The following RPH3A variants were observed in gnomAD, a reference collection of about 807,000 sequenced individuals.
RPH3A encodes rabphilin 3A, also known as rabphilin-3A.
RPH3A carries 48 observed loss-of-function variants against 102.2 expected under a neutral mutation model. The ratio of observed to expected loss-of-function variants is 0.47; its 90% CI spans 0.37 to 0.60. The LOEUF (loss-of-function observed/expected upper bound fraction) is 0.60, where lower values mean the gene tolerates loss of function less well. Among genes scored for constraint, RPH3A ranks in the 20% least tolerant of loss-of-function variants. The pLI, the probability that RPH3A is intolerant of heterozygous loss-of-function variation, is 0.00. For synonymous variants in RPH3A, 310 were observed against 324.3 expected, an observed-to-expected ratio of 0.96 and a Z score of 0.47; for missense variants, 781 against 910.1, an observed-to-expected ratio of 0.86 and a Z score of 1.83.
At chr12:112,591,324 G>A (rs1176110528) in intron 1 of RPH3A, among the ~76,000 whole-genome samples, 2 of 152,120 alleles carry the variant, frequency 1.3e-5, no homozygotes, top group African/African-American at 2.4e-5. Context: ...GGCCTCAAGC[G>A]ATCCTCCCAC....
At chr12:112,702,766 A>G (rs2040403899) in intron 1 of RPH3A, among the ~76,000 whole-genome samples, 1 of 152,252 alleles carries the variant, frequency 6.6e-6, no homozygotes, top group Non-Finnish European at 1.5e-5. Flanking sequence ...GACACATGCC[A>G]TTAGTGGAGA....
chr12:112,694,318 A>G (rs894810608), intron 1 of RPH3A, among the ~76,000 whole-genome samples: 1 of 152,126 alleles, frequency 6.6e-6, no homozygotes, highest in African/African-American at 2.4e-5. Flanking sequence ...CTCTTAGCTG[A>G]GGTTTTATGC....
intron 1 of RPH3A, among the ~76,000 whole-genome samples, chr12:112,619,646 A>T (rs2039707695): frequency 6.6e-6 from 1 of 152,112 alleles, no homozygotes; most frequent in Non-Finnish European, 1.5e-5. Context: ...GCACCATTTG[A>T]TGTTTCCACC....
At chr12:112,863,557 T>C (rs536927281) in intron 5 of RPH3A, among the ~76,000 whole-genome samples, 1 of 152,228 alleles carries the variant, frequency 6.6e-6, no homozygotes, top group Non-Finnish European at 1.5e-5. Flanking sequence ...TGGCCTCAGG[T>C]AATCCAACAA....
At chr12:112,817,747 G>A (rs773674288) in intron 2 of RPH3A, among the ~76,000 whole-genome samples, 2 of 152,098 alleles carry the variant, frequency 1.3e-5, no homozygotes, top group East Asian at 1.9e-4. Context: ...TCGTTGTAAG[G>A]TCTCAGCGGG....
chr12:112,657,225 C>A (rs1336629606), intron 1 of RPH3A, among the ~76,000 whole-genome samples: 1 of 151,866 alleles, frequency 6.6e-6, no homozygotes, highest in Non-Finnish European at 1.5e-5. Context: ...TGTTTGTTGG[C>A]CACTTGTATG....
chr12:112,885,607 T>C (rs1467124646), intron 16 of RPH3A, among the ~76,000 whole-genome samples: 6 of 152,216 alleles, frequency 3.9e-5, no homozygotes, highest in Admixed American at 3.9e-4. Context: ...TTTTTGAGGG[T>C]ACATAGTAGG....
intron 1 of RPH3A, among the ~76,000 whole-genome samples, chr12:112,738,516 A>G (rs1415436034): frequency 1.3e-5 from 2 of 152,118 alleles, no homozygotes; most frequent in Non-Finnish European, 2.9e-5. Flanking sequence ...TAACCCACTA[A>G]GGGAGTAAGC....
At chr12:112,602,969 G>A (rs569841365) in intron 1 of RPH3A, among the ~76,000 whole-genome samples, 1 of 152,284 alleles carries the variant, frequency 6.6e-6, no homozygotes, top group African/African-American at 2.4e-5. Context: ...AAGACCCAAA[G>A]AAACAGGGAA....
intron 1 of RPH3A, among the ~76,000 whole-genome samples, chr12:112,590,127 T>C (rs2039467335): frequency 6.6e-6 from 1 of 151,376 alleles, no homozygotes; most frequent in Non-Finnish European, 1.5e-5. Flanking sequence ...AGGGCCAGGC[T>C]CTGGACTGCT....
intron 1 of RPH3A, among the ~76,000 whole-genome samples, chr12:112,742,806 T>G (rs1250783653): frequency 1.3e-5 from 2 of 152,202 alleles, no homozygotes; most frequent in Non-Finnish European, 2.9e-5. Context: ...CTTGAACTAA[T>G]ACATATGCAT....
At chr12:112,728,188 G>C (rs1180001429) in intron 1 of RPH3A, among the ~76,000 whole-genome samples, 1 of 152,124 alleles carries the variant, frequency 6.6e-6, no homozygotes, top group Non-Finnish European at 1.5e-5. Context: ...GGGAACAAAA[G>C]GTGGGAAAGT....
At chr12:112,791,621 C>A (rs2041101798), upstream of RPH3A, 1 of 152,090 alleles carries the variant, frequency 6.6e-6, no homozygotes, top group African/African-American at 2.4e-5. Flanking sequence ...GTGCGCCCAA[C>A]CTCCCCTCCC....
intron 1 of RPH3A, among the ~76,000 whole-genome samples, chr12:112,658,255 C>G (rs189784698): frequency 3.3e-5 from 5 of 152,150 alleles, no homozygotes; most frequent in Admixed American, 3.3e-4. Flanking sequence ...GGGACCACTG[C>G]AACCTCCACC....
chr12:112,613,605 AC>A (rs1012755333), intron 1 of RPH3A, among the ~76,000 whole-genome samples: 4 of 152,148 alleles, frequency 2.6e-5, no homozygotes, highest in African/African-American at 9.7e-5. Flanking sequence ...GGGAAGCAGA[AC>A]CTGGGCAACA....
intron 1 of RPH3A, among the ~76,000 whole-genome samples, chr12:112,657,643 G>A (rs2040022274): frequency 6.6e-6 from 1 of 152,102 alleles, no homozygotes; most frequent in Non-Finnish European, 1.5e-5. Context: ...CACTATTGTA[G>A]GTTTTTGTGG....
chr12:112,797,626 ATCAGCTG>A (rs2041258613), intron 2 of RPH3A, among the ~76,000 whole-genome samples: 1 of 152,054 alleles, frequency 6.6e-6, no homozygotes, highest in Non-Finnish European at 1.5e-5. Flanking sequence ...GGCCTTAATA[ATCAGCTG>A]TCCAGCCAGG....
intron 1 of RPH3A, among the ~76,000 whole-genome samples, chr12:112,753,881 G>A (rs1215557208): frequency 3.3e-5 from 5 of 152,148 alleles, no homozygotes; most frequent in Non-Finnish European, 7.4e-5. Flanking sequence ...TTTTGAGGTG[G>A]GAAGATTATC....
At position 112,664,950 on chromosome 12, in the gene RPH3A, T is replaced by TG. The variant is rs376867590; in HGVS notation, c.-140+89638dup. On this transcript the variant is annotated intron_variant, in intron 1 of 21. Transcript: ENST00000543106. ...AGTCTCTCTCGTTCCATGGCGGGGG[T>TG]GGGGGGGATAAGAATTTGTGGATAA... Among the ~76,000 whole-genome samples the TG allele has an allele frequency of 5.9e-4, 76 of 128,884 alleles. 1 individual carries two copies. Among genetic ancestry groups the TG allele is most frequent in the African/African-American group, 1.9e-3 (62 of 33,434 alleles). The allele number at this position is 128,884 out of a possible 152,430, so 84.6% of individuals were successfully genotyped here.
Sources: allele counts gnomAD v4.1 joint callset (sites outside exome capture counted in the v4.1 genomes callset), GRCh38; gene constraint gnomAD v4.1.1; transcripts MANE v1.5; gene names NCBI Gene and HGNC (gene_info 2026-07-23, HGNC 2026-07-21).